Variants in KIAA0513 observed in about 807,000 individuals in gnomAD.
The protein encoded by KIAA0513 is uncharacterized protein KIAA0513.
In KIAA0513, 39 loss-of-function variants were observed where a neutral mutation model predicts 56.5. The ratio of observed to expected loss-of-function variants is 0.69; its 90% CI spans 0.53 to 0.90. The LOEUF is 0.90. Among genes scored for constraint, KIAA0513 ranks in the 40% least tolerant of loss-of-function variants. The pLI is 0.00. For missense variants in KIAA0513, 591 were observed against 535.2 expected, an observed-to-expected ratio of 1.10 and a Z score of -1.03; for synonymous variants, 268 against 215.6, an observed-to-expected ratio of 1.24 and a Z score of -2.13.
chr16:85,078,158 C>G (rs574447074), intron 6 of KIAA0513, among the ~76,000 whole-genome samples: 1 of 152,292 alleles, frequency 6.6e-6, no homozygotes, highest in African/African-American at 2.4e-5. Context: ...GGGCCACAGC[C>G]GGGTGCCTTG....
intron 12 of KIAA0513, 99 bp downstream of exon 12, chr16:85,087,265 G>A (rs959449808): frequency 1.1e-5 from 11 of 963,110 alleles, no homozygotes; most frequent in African/African-American, 3.2e-5. Flanking sequence ...AAGGCATGTC[G>A]TGTTGCAGTC....
chr16:85,083,586 G>A (rs773934465), intron 10 of KIAA0513, among the ~76,000 whole-genome samples: 10 of 152,316 alleles, frequency 6.6e-5, no homozygotes, highest in East Asian at 1.9e-4. Flanking sequence ...GCATCCCAGC[G>A]TCCTCTGAGA....
rs75536316 is a variant in KIAA0513 at position 85,082,114 on chromosome 16, A to G, written c.981-450A>G. 6.0e-3 allele frequency among the ~76,000 whole-genome samples: 909 copies of G among 152,228 alleles called. 1 individual carries two copies. Among genetic ancestry groups the G allele is most frequent in the Non-Finnish European group, 8.4e-3 (571 of 68,016 alleles). ...AGACCCTCTACCCTTCACTCTTGTC[A>G]GGAGAGTGGGCAGATGGCTGCTGTT... On this transcript the variant is annotated intron_variant, in intron 9 of 12. Coordinates refer to ENST00000683363, the MANE Select transcript of KIAA0513 (RefSeq NM_001388359.1).
At chr16:85,058,222 C>G (rs1196432455) in intron 1 of KIAA0513, among the ~76,000 whole-genome samples, 1 of 152,212 alleles carries the variant, frequency 6.6e-6, no homozygotes, top group East Asian at 1.9e-4. Flanking sequence ...GAGAGGCACC[C>G]TCACGGGCAT....
chr16:85,079,254 T>G (rs1597641392), intron 8 of KIAA0513: 1 of 691,668 alleles, frequency 1.4e-6, no homozygotes, highest in East Asian at 3.0e-5. Context: ...CCTTTAAAGG[T>G]GAAACACAAG....
intron 1 of KIAA0513, among the ~76,000 whole-genome samples, chr16:85,035,643 A>C (rs1458522553): frequency 6.6e-6 from 1 of 152,138 alleles, no homozygotes; most frequent in Non-Finnish European, 1.5e-5. Context: ...GGCATGTGCC[A>C]CCATGCCCCA....
intron 1 of KIAA0513, among the ~76,000 whole-genome samples, chr16:85,038,488 C>G (rs1273145665): frequency 6.6e-6 from 1 of 152,060 alleles, no homozygotes; most frequent in East Asian, 1.9e-4. Context: ...GGGTGGATCA[C>G]TTGAGGTCAG....
intron 1 of KIAA0513, among the ~76,000 whole-genome samples, chr16:85,028,239 TC>T (rs2072915992): frequency 6.6e-6 from 1 of 152,106 alleles, no homozygotes; most frequent in Non-Finnish European, 1.5e-5. Context: ...GGAGCTGGTG[TC>T]CCAGTCTTGG....
chr16:85,063,938 A>G (rs994023547), intron 1 of KIAA0513, among the ~76,000 whole-genome samples: 2 of 151,856 alleles, frequency 1.3e-5, no homozygotes, highest in African/African-American at 4.8e-5. Flanking sequence ...TCTGAATTGT[A>G]TCATACACTG....
chr16:85,047,636 G>A (rs2073189781), intron 1 of KIAA0513, among the ~76,000 whole-genome samples: 1 of 152,206 alleles, frequency 6.6e-6, no homozygotes. Context: ...CACTGCCGCT[G>A]TGGAATTTCC....
intron 1 of KIAA0513, among the ~76,000 whole-genome samples, chr16:85,065,265 C>T (rs1020774553): frequency 6.6e-6 from 1 of 152,156 alleles, no homozygotes; most frequent in Non-Finnish European, 1.5e-5. Context: ...AGGGGGGACC[C>T]ATCAGAGACT....
intron 4 of KIAA0513, among the ~76,000 whole-genome samples, chr16:85,075,611 G>A (rs961691063): frequency 4.6e-5 from 7 of 152,212 alleles, no homozygotes; most frequent in Admixed American, 2.6e-4. Context: ...CACCTTTCCA[G>A]TGAAAGAAGC....
chr16:85,086,536 G>A, intron 10 of KIAA0513, 108 bp from the exon 11 acceptor site: 3 of 1,027,752 alleles, frequency 2.9e-6, no homozygotes, highest in South Asian at 2.7e-5. Flanking sequence ...GTGCCCGGTG[G>A]GGGCCGTACA....
chr16:85,073,121 C>T, intron 4 of KIAA0513, 123 bp downstream of exon 4: 1 of 834,662 alleles, frequency 1.2e-6, no homozygotes, highest in Non-Finnish European at 2.1e-6. Context: ...CATCAGGTTG[C>T]AGTTGCTCTG....
At chr16:85,058,320 T>G (rs193031874) in intron 1 of KIAA0513, among the ~76,000 whole-genome samples, 110 of 152,276 alleles carry the variant, frequency 7.2e-4, no homozygotes, top group African/African-American at 2.5e-3. Flanking sequence ...CCAAATTGAT[T>G]TCATGTATGC....
In KIAA0513 at chr16:85,076,278, C is replaced by T. The variant is rs374227224; in HGVS notation, c.574+364C>T. Among the ~76,000 whole-genome samples, 13 of 152,268 alleles carry T rather than the reference C, an allele frequency of 8.5e-5. No individual in the cohort carries two copies. Among genetic ancestry groups the T allele is most frequent in the East Asian group, 1.9e-4 (1 of 5,178 alleles). On this transcript the variant is annotated intron_variant, in intron 5 of 12. Transcript: ENST00000683363. This position sits in a 1 kb window ranked among gnomAD's most constrained non-coding sequence, Gnocchi z 4.7. ...AGTTTTATGTTTTACCAAAACAAGA[C>T]GACACAGTTGGTTGTTGGAGGGTGG... is the stretch of plus-strand genomic sequence containing the variant.
At position 85,093,930 on chromosome 16, in the gene KIAA0513, C is replaced by G. The variant is rs1039298488; in HGVS notation, c.*5605C>G. On this transcript the variant is annotated 3_prime_UTR_variant, in exon 13 of 13. Coordinates refer to ENST00000683363, the MANE Select transcript of KIAA0513 (RefSeq NM_001388359.1). ...GGAACTATCAGTGGCGTCTCCCATGCACACGCCCTCTGCTTTCTCTTTCCT... is the reference window on the plus strand; with the variant it reads ...GGAACTATCAGTGGCGTCTCCCATGGACACGCCCTCTGCTTTCTCTTTCCT... 6.6e-6 allele frequency: 1 copy of G among 152,232 alleles called. No homozygotes were observed. The highest frequency in any genetic ancestry group is 2.4e-5 in the African/African-American group (1 of 41,440). The allele number at this position is 152,232 out of a possible 1,614,324, so 9.4% of individuals were successfully genotyped here. A position where few individuals can be genotyped will look rare whatever the true frequency, so the allele number is the denominator to read the frequency against.
chr16:85,058,689 AAAC>A (rs1406712359), intron 1 of KIAA0513, among the ~76,000 whole-genome samples: 1 of 152,060 alleles, frequency 6.6e-6, no homozygotes, highest in Non-Finnish European at 1.5e-5. Context: ...AACAAACAAA[AAAC>A]AACAAAAAAA....
At chr16:85,062,635 G>A (rs771860493) in intron 1 of KIAA0513, among the ~76,000 whole-genome samples, 11 of 152,194 alleles carry the variant, frequency 7.2e-5, no homozygotes, top group Non-Finnish European at 1.3e-4. Flanking sequence ...TTGACTCCCA[G>A]CGTGTTTTGA....
Sources: allele counts gnomAD v4.1 joint callset (sites outside exome capture counted in the v4.1 genomes callset), GRCh38; gene constraint gnomAD v4.1.1; non-coding constraint Gnocchi (gnomAD v3.1); transcripts MANE v1.5; gene names NCBI Gene and HGNC (gene_info 2026-07-23, HGNC 2026-07-21).